ALX4: variants seen among roughly 807,000 people sequenced by gnomAD.
ALX4 encodes the protein ALX homeobox 4.
A neutral mutation model predicts 40.6 loss-of-function variants in ALX4; 22 were observed. That is an observed-to-expected ratio of 0.54 (90% CI 0.39 to 0.77). ALX4 has a LOEUF of 0.77. Ranked by LOEUF, ALX4 falls within the 30% of genes least tolerant of loss-of-function variation. The pLI is 0.00. For missense variants in ALX4, 556 were observed against 564.8 expected (o/e 0.98, Z 0.16); for synonymous variants, 266 against 240.5 (o/e 1.11, Z -0.98).
chr11:44,277,867 G>A (rs1253404270), intron 1 of ALX4, among the ~76,000 whole-genome samples: 3 of 152,230 alleles, frequency 2.0e-5, no homozygotes, highest in Admixed American at 6.5e-5. Context: ...GCGGCATCAC[G>A]CATGACACCT....
intron 2 of ALX4, among the ~76,000 whole-genome samples, chr11:44,274,330 T>C (rs1956265471): frequency 6.6e-6 from 1 of 151,910 alleles, no homozygotes; most frequent in South Asian, 2.1e-4. Flanking sequence ...GAATGTGTTA[T>C]ATTGGGTTGT....
Position 44,265,064 on chromosome 11 carries a change from C to T in ALX4, c.1026G>A (p.Gly342=), listed in dbSNP as rs1395712181. Residue 342 remains glycine (G), a synonymous_variant, in exon 4 of 4, where the codon GGG becomes GGA. Transcript: ENST00000652299. ...TCAGGAAGTCGGTGACGCTGCTGGC[C>T]CCAGAGCCAGGGGGGTGGGCATGAG... is the stretch of plus-strand genomic sequence containing the variant. ...MSPHAHPPGS[G]ASSVTDFLSV... The T allele has an allele frequency of 2.5e-6, 4 of 1,612,882 alleles. No homozygotes were observed. Among genetic ancestry groups the T allele is most frequent in the Non-Finnish European group, 3.4e-6 (4 of 1,179,922 alleles).
intron 1 of ALX4, among the ~76,000 whole-genome samples, chr11:44,301,632 A>C (rs1280948188): frequency 1.3e-5 from 2 of 152,184 alleles, no homozygotes; most frequent in East Asian, 1.9e-4. Context: ...AGTGCAACTT[A>C]CTGGACTTAT....
At chr11:44,309,570 C>T (rs1430523613) in intron 1 of ALX4, 27 bp downstream of exon 1, 1 of 1,558,234 alleles carries the variant, frequency 6.4e-7, no homozygotes, top group African/African-American at 1.4e-5. Context: ...TGGTCCCCAG[C>T]ACCAGGTGAC....
rs74406169 is a variant in ALX4 at position 44,296,114 on chromosome 11, A to G, written c.466+13483T>C. 2.2e-3 allele frequency among the ~76,000 whole-genome samples: 338 copies of G among 152,380 alleles called. 1 individual carries two copies. Among genetic ancestry groups the G allele is most frequent in the African/African-American group, 7.9e-3 (329 of 41,594 alleles). On this transcript the variant is annotated intron_variant, in intron 1 of 3. Coordinates refer to ENST00000652299, the MANE Select transcript of ALX4 (RefSeq NM_021926.4). Reference sequence around the variant, plus strand: ...CACATCAGAAGATCATTCAGGGGCCAGATAGACAAATGCAACAGAATAGAG... The same window carrying G: ...CACATCAGAAGATCATTCAGGGGCCGGATAGACAAATGCAACAGAATAGAG...
At chr11:44,279,880 G>T (rs1309132480) in intron 1 of ALX4, among the ~76,000 whole-genome samples, 2 of 151,934 alleles carry the variant, frequency 1.3e-5, no homozygotes, top group Non-Finnish European at 3.0e-5. Flanking sequence ...GCTCAGCACA[G>T]GATAGGTCAG....
At chr11:44,278,781 C>T (rs1590693212) in intron 1 of ALX4, among the ~76,000 whole-genome samples, 1 of 152,122 alleles carries the variant, frequency 6.6e-6, no homozygotes, top group Non-Finnish European at 1.5e-5. Context: ...GTTGAGGGTC[C>T]CTCCTCCCTT....
chr11:44,310,087 G>T lies in ALX4; in HGVS notation c.-25C>A. The T allele has an allele frequency of 6.4e-7, 1 of 1,560,550 alleles. No individual in the cohort carries two copies. The highest frequency in any genetic ancestry group is 1.2e-5 in the South Asian group (1 of 84,756). ...TGCCTGGCTTGCGCAGGCGGCGGGCGGGGACGCGAGCGAGGGCGCGAGGAC... is the reference window on the plus strand; with the variant it reads ...TGCCTGGCTTGCGCAGGCGGCGGGCTGGGACGCGAGCGAGGGCGCGAGGAC... On this transcript the variant is annotated 5_prime_UTR_variant, in exon 1 of 4. Coordinates refer to ENST00000652299, the MANE Select transcript of ALX4 (RefSeq NM_021926.4).
At chr11:44,283,403 C>T (rs1477081562) in intron 1 of ALX4, among the ~76,000 whole-genome samples, 1 of 152,102 alleles carries the variant, frequency 6.6e-6, no homozygotes, top group East Asian at 1.9e-4. Context: ...GGAATTTACT[C>T]AATAAATGAT....
intron 1 of ALX4, among the ~76,000 whole-genome samples, chr11:44,292,306 A>T (rs1326481764): frequency 6.6e-6 from 1 of 151,974 alleles, no homozygotes; most frequent in African/African-American, 2.4e-5. Flanking sequence ...CCTGGGCTCA[A>T]GCAATCCTCC....
intron 1 of ALX4, among the ~76,000 whole-genome samples, chr11:44,294,013 C>T (rs904395517): frequency 6.6e-6 from 1 of 152,184 alleles, no homozygotes; most frequent in Non-Finnish European, 1.5e-5. Flanking sequence ...CAGTGCACCC[C>T]CTCCACCGTC....
At chr11:44,283,104 G>A (rs774009255) in intron 1 of ALX4, among the ~76,000 whole-genome samples, 2 of 151,924 alleles carry the variant, frequency 1.3e-5, no homozygotes, top group Non-Finnish European at 2.9e-5. Flanking sequence ...AAAATTCGTC[G>A]GGCATGGTGG....
chr11:44,272,418 C>T (rs1007208569), intron 2 of ALX4, among the ~76,000 whole-genome samples: 1 of 151,762 alleles, frequency 6.6e-6, no homozygotes, highest in Non-Finnish European at 1.5e-5. Flanking sequence ...GCAGGAGAAT[C>T]GCTTGAACCC....
chr11:44,264,535 G>A lies in ALX4; in HGVS notation c.*319C>T. The A allele has an allele frequency of 2.2e-6, 1 of 454,510 alleles. No individual in the cohort carries two copies. Among genetic ancestry groups the A allele is most frequent in the Non-Finnish European group, 4.0e-6 (1 of 248,002 alleles). 28.2% of individuals were successfully genotyped at this position (454,510 alleles called of 1,614,324 possible). A position where few individuals can be genotyped will look rare whatever the true frequency, so the allele number is the denominator to read the frequency against. On this transcript the variant is annotated 3_prime_UTR_variant, in exon 4 of 4. Coordinates refer to ENST00000652299, the MANE Select transcript of ALX4 (RefSeq NM_021926.4). ...CTCATGGTCAACTAGGCAGAGCAGA[G>A]GAGTGGGCGGGAGCAAGAAAGCGCT... is the stretch of plus-strand genomic sequence containing the variant.
intron 2 of ALX4, among the ~76,000 whole-genome samples, chr11:44,271,852 A>G (rs1473324294): frequency 6.6e-6 from 1 of 151,902 alleles, no homozygotes; most frequent in Non-Finnish European, 1.5e-5. Context: ...ACTCCCGGGC[A>G]CTCCCATATA....
intron 1 of ALX4, among the ~76,000 whole-genome samples, chr11:44,292,417 A>C (rs1391350948): frequency 7.7e-6 from 1 of 130,628 alleles, no homozygotes; most frequent in Admixed American, 8.9e-5. Flanking sequence ...ACGAGGTGTC[A>C]CTATGTTGCC....
At chr11:44,289,224 C>T (rs193179390) in intron 1 of ALX4, among the ~76,000 whole-genome samples, 18 of 152,254 alleles carry the variant, frequency 1.2e-4, no homozygotes, top group Admixed American at 3.3e-4. Context: ...AAGGAAGGCT[C>T]GGCAAGGCAT....
At chr11:44,303,060 C>G (rs890261257) in intron 1 of ALX4, among the ~76,000 whole-genome samples, 1 of 152,096 alleles carries the variant, frequency 6.6e-6, no homozygotes, top group African/African-American at 2.4e-5. Flanking sequence ...CTGTGGGCCC[C>G]GGTCCCCACG....
chr11:44,307,872 G>A (rs756885075), intron 1 of ALX4, among the ~76,000 whole-genome samples: 21 of 151,906 alleles, frequency 1.4e-4, no homozygotes, highest in South Asian at 2.1e-4. Context: ...GTGTGTGTCC[G>A]TGTGTGGAGC....
Sources: gnomAD v4.1 joint callset for allele counts (sites outside exome capture counted in the v4.1 genomes callset) on GRCh38, gnomAD v4.1.1 for gene constraint, MANE v1.5 for transcripts, NCBI Gene and HGNC (gene_info 2026-07-23, HGNC 2026-07-21) for gene names.